Variants in KMT2C observed in about 807,000 individuals in gnomAD.
The protein encoded by KMT2C is lysine methyltransferase 2C, also known as histone-lysine N-methyltransferase 2C.
A neutral mutation model predicts 507.9 loss-of-function variants in KMT2C; 88 were observed. That is an observed-to-expected ratio of 0.17 (90% confidence interval 0.15 to 0.21). KMT2C has a LOEUF of 0.21. KMT2C is among the 10% of genes least tolerant of loss of function. The pLI is 1.00. For missense variants in KMT2C, 4,954 were observed against 5,957.8 expected (o/e 0.83, Z 5.55); for synonymous variants, 2,049 against 2,080.8 (o/e 0.98, Z 0.42).
In KMT2C at chr7:152,299,152, T is replaced by C. The variant is rs550539598; in HGVS notation, c.849+10814A>G. On this transcript the variant is annotated intron_variant, in intron 6 of 58. Coordinates refer to ENST00000262189, the MANE Select transcript of KMT2C (RefSeq NM_170606.3). The stretch of plus-strand genomic sequence containing the variant: ...GGCCAACATGGTGAAACCCCGTCTC[T>C]ACTAAAAATACAAAAATTAGCTGGG... Among the ~76,000 whole-genome samples the C allele has an allele frequency of 4.9e-3, 746 of 151,864 alleles. 4 individuals carry two copies. Among genetic ancestry groups the C allele is most frequent in the Non-Finnish European group, 7.1e-3 (479 of 67,926 alleles).
intron 6 of KMT2C, among the ~76,000 whole-genome samples, chr7:152,293,065 G>C (rs755911801): frequency 9.9e-5 from 15 of 152,116 alleles, no homozygotes; most frequent in Non-Finnish European, 1.8e-4. Context: ...CTACCGAATA[G>C]AAAGACTTAG....
intron 53 of KMT2C, 30 bp downstream of exon 53, chr7:152,146,569 C>A: frequency 1.2e-6 from 2 of 1,611,348 alleles, no homozygotes; most frequent in Non-Finnish European, 1.7e-6. Flanking sequence ...GAAAGCAATT[C>A]CAATCTCAAA....
In KMT2C at chr7:152,263,164, C is replaced by G. The variant is rs375724513; in HGVS notation, c.1185-34G>C. The G allele has an allele frequency of 7.3e-5, 114 of 1,552,912 alleles. No homozygotes were observed. In the African/African-American group the frequency reaches 1.4e-3, roughly 19 times the overall value. On this transcript the variant is annotated intron_variant, in intron 8 of 58. Coordinates refer to ENST00000262189, the MANE Select transcript of KMT2C (RefSeq NM_170606.3). ...TAAGATAGCATTAATGATGCCTTAT[C>G]TTTAAACTTATGTTTTGTAACATAA...
intron 1 of KMT2C, among the ~76,000 whole-genome samples, chr7:152,360,633 A>G (rs1454559833): frequency 2.0e-5 from 3 of 152,126 alleles, no homozygotes; most frequent in Non-Finnish European, 2.9e-5. Flanking sequence ...AGGGAGTTCG[A>G]GACCAGCCTG....
At chr7:152,321,933 G>A (rs935115959) in intron 3 of KMT2C, among the ~76,000 whole-genome samples, 2 of 151,676 alleles carry the variant, frequency 1.3e-5, no homozygotes, top group Admixed American at 6.6e-5. Context: ...AATTTATATG[G>A]AAGCACAGAA....
Position 152,212,995 on chromosome 7 carries a change from C to T in KMT2C, c.3713-5567G>A, listed in dbSNP as rs374827353. Among the ~76,000 whole-genome samples, 113 of 152,312 alleles carry T rather than the reference C, an allele frequency of 7.4e-4. 1 individual carries two copies. The highest frequency in any genetic ancestry group is 1.2e-3 in the East Asian group (6 of 5,184). The stretch of plus-strand genomic sequence containing the variant: ...AGGAGGCGGCAGAGGTTGCAGTGAG[C>T]GGAGATCACACCACTGCACTTCTGC... On this transcript the variant is annotated intron_variant, in intron 23 of 58. Transcript: ENST00000262189.
intron 6 of KMT2C, among the ~76,000 whole-genome samples, chr7:152,293,987 T>C (rs535526431): frequency 1.3e-5 from 2 of 150,962 alleles, no homozygotes; most frequent in East Asian, 3.9e-4. Context: ...ACCTCTTGAG[T>C]AGCTGAGACT....
At chr7:152,379,073 A>G (rs2097350436) in intron 1 of KMT2C, among the ~76,000 whole-genome samples, 2 of 151,454 alleles carry the variant, frequency 1.3e-5, no homozygotes, top group South Asian at 4.2e-4. Flanking sequence ...GCCTCCCTCC[A>G]CTCCCTCATC....
At position 152,162,472 on chromosome 7, in the gene KMT2C, G is replaced by A. The variant is rs2092507215; in HGVS notation, c.11105C>T (p.Ser3702Leu). ...TTCCATGGAGAGCTTGTCTACTTCT[G>A]AATTTGCATACGTCTGTTGATTTGG... ...ATPNQQTYAN[S>L]EVDKLSMETP... Residue 3702 changes from serine to leucine, a missense_variant, in exon 43 of 59, where the codon TCA (serine) becomes TTA (leucine). This residue lies in a region of KMT2C where 801 missense variants were observed against 751.2 expected (regional missense o/e 1.07). Transcript: ENST00000262189. 1 of 1,614,222 alleles carries A rather than the reference G, an allele frequency of 6.2e-7. No homozygotes were observed. Among genetic ancestry groups the A allele is most frequent in the Non-Finnish European group, 8.5e-7 (1 of 1,180,038 alleles).
intron 23 of KMT2C, among the ~76,000 whole-genome samples, chr7:152,209,227 C>T (rs536780024): frequency 2.2e-4 from 34 of 151,268 alleles, no homozygotes; most frequent in South Asian, 8.4e-4. Flanking sequence ...GAGGCCGAGG[C>T]GGGCAGATCA....
At position 152,176,870 on chromosome 7, in the gene KMT2C, G is replaced by T. The variant is rs2129113796; in HGVS notation, c.8583C>A (p.Asp2861Glu). The change falls in exon 38 of 59, where the codon GAC becomes GAA. Residue 2861 changes from aspartate to glutamate, a missense_variant. Coordinates refer to ENST00000262189, the MANE Select transcript of KMT2C (RefSeq NM_170606.3). ...TPCSQASAHSDLNDGEKTSLH... is the reference protein window; with the variant it reads ...TPCSQASAHSELNDGEKTSLH... ...AAGAAGTCTTTTCTCCATCATTTAG[G>T]TCTGAGTGAGCAGAAGCCTGTGAGC... 6.2e-7 allele frequency: 1 copy of T among 1,614,136 alleles called. No individual in the cohort carries two copies. Among genetic ancestry groups the T allele is most frequent in the Non-Finnish European group, 8.5e-7 (1 of 1,180,004 alleles).
chr7:152,385,639 A>AAAAAAAAAAAAAAAAT (rs2097419312), intron 1 of KMT2C, among the ~76,000 whole-genome samples: 1 of 140,922 alleles, frequency 7.1e-6, no homozygotes, highest in Non-Finnish European at 1.5e-5. Context: ...AAAAAAAAAA[A>AAAAAAAAAAAAAAAAT]AAAAAAAAAA....
At chr7:152,259,563 G>A (rs2095732446) in intron 9 of KMT2C, among the ~76,000 whole-genome samples, 1 of 151,658 alleles carries the variant, frequency 6.6e-6, no homozygotes, top group Non-Finnish European at 1.5e-5. Context: ...AATGCGACAT[G>A]GGTATTATTT....
intron 14 of KMT2C, among the ~76,000 whole-genome samples, chr7:152,243,938 ATATC>A (rs1412428974): frequency 6.6e-6 from 1 of 152,232 alleles, no homozygotes; most frequent in Non-Finnish European, 1.5e-5. Flanking sequence ...ATTACATTCA[ATATC>A]TTTCTATAAG....
At chr7:152,180,389 A>G (rs1452291072) in intron 36 of KMT2C, among the ~76,000 whole-genome samples, 1 of 152,164 alleles carries the variant, frequency 6.6e-6, no homozygotes, top group African/African-American at 2.4e-5. Flanking sequence ...GTTTGATGAA[A>G]TACCAGTTAC....
chr7:152,240,841 C>T (rs2095369349), intron 14 of KMT2C, among the ~76,000 whole-genome samples: 1 of 152,196 alleles, frequency 6.6e-6, no homozygotes, highest in Non-Finnish European at 1.5e-5. Flanking sequence ...GTGGCCACCA[C>T]CATCTCTCAC....
chr7:152,340,721 CTT>C (rs1264883163), intron 2 of KMT2C, among the ~76,000 whole-genome samples: 5 of 152,102 alleles, frequency 3.3e-5, no homozygotes, highest in African/African-American at 1.2e-4. Context: ...GACTTACTCT[CTT>C]TATAATTACC....
chr7:152,252,479 G>C, intron 10 of KMT2C, 67 bp downstream of exon 10: 1 of 1,288,178 alleles, frequency 7.8e-7, no homozygotes, highest in South Asian at 1.3e-5. Flanking sequence ...CTGTAAGATG[G>C]TAGAGCAAAT....
intron 2 of KMT2C, among the ~76,000 whole-genome samples, chr7:152,352,813 A>C (rs559605653): frequency 1.8e-4 from 27 of 152,280 alleles, no homozygotes; most frequent in African/African-American, 6.3e-4. Flanking sequence ...TGAAAAATAA[A>C]ACTTTTGCCA....
Sources: allele counts gnomAD v4.1 joint callset (sites outside exome capture counted in the v4.1 genomes callset), GRCh38; gene constraint gnomAD v4.1.1; regional missense constraint gnomAD v4.1.1; transcripts MANE v1.5; gene names NCBI Gene and HGNC (gene_info 2026-07-23, HGNC 2026-07-21).